Variants in DPP10 observed in about 807,000 individuals in gnomAD.
The protein encoded by DPP10 is inactive dipeptidyl peptidase 10.
Under a neutral mutation model 120.9 loss-of-function variants are expected in DPP10, and 33 were observed. That is an observed-to-expected ratio of 0.27 (90% CI 0.21 to 0.37). The LOEUF is 0.37. DPP10 is among the 10% of genes least tolerant of loss of function. The probability of loss-of-function intolerance (pLI) is 1.00; values close to 1 mark genes in which losing one functional copy is unlikely to be tolerated. For synonymous variants in DPP10, 337 were observed against 326.1 expected (o/e 1.03, Z -0.36); for missense variants, 816 against 942.8 (o/e 0.87, Z 1.76).
At chr2:115,681,963 T>A (rs531770191) in intron 5 of DPP10, among the ~76,000 whole-genome samples, 18 of 151,844 alleles carry the variant, frequency 1.2e-4, no homozygotes, top group Non-Finnish European at 2.2e-4. Context: ...AAGTCATGGT[T>A]TATTCAGTTA....
intron 1 of DPP10, among the ~76,000 whole-genome samples, chr2:115,192,944 G>A (rs1004306730): frequency 2.7e-5 from 4 of 150,648 alleles, no homozygotes; most frequent in Non-Finnish European, 4.4e-5. Context: ...TACAATTAAC[G>A]TTTCAAAACT....
intron 1 of DPP10, among the ~76,000 whole-genome samples, chr2:115,259,257 G>A (rs2059142010): frequency 6.6e-6 from 1 of 152,040 alleles, no homozygotes; most frequent in African/African-American, 2.4e-5. Context: ...CAAGGTGGGC[G>A]GATCACCTGA....
At chr2:114,753,818 A>C (rs906552380) in intron 1 of DPP10, among the ~76,000 whole-genome samples, 6 of 144,950 alleles carry the variant, frequency 4.1e-5, no homozygotes, top group Non-Finnish European at 9.1e-5. Context: ...CTGAGGCAGG[A>C]GAATGGCATG....
chr2:115,495,740 C>A (rs1463859721), intron 3 of DPP10, among the ~76,000 whole-genome samples: 1 of 152,122 alleles, frequency 6.6e-6, no homozygotes, highest in African/African-American at 2.4e-5. Flanking sequence ...GTGCTTAGAT[C>A]TCAGGGTACA....
At chr2:115,251,481 C>T (rs547873737) in intron 1 of DPP10, among the ~76,000 whole-genome samples, 19 of 152,124 alleles carry the variant, frequency 1.2e-4, no homozygotes, top group Admixed American at 7.2e-4. Context: ...GCTTTTACTG[C>T]GACAAAAAAT....
intron 1 of DPP10, among the ~76,000 whole-genome samples, chr2:115,300,508 A>G (rs1399804905): frequency 2.6e-5 from 4 of 151,992 alleles, no homozygotes; most frequent in Admixed American, 2.6e-4. Context: ...GGTTGTTTCC[A>G]CCTTTTGGCT....
chr2:115,243,783 TC>T (rs2058397701), intron 1 of DPP10, among the ~76,000 whole-genome samples: 1 of 151,756 alleles, frequency 6.6e-6, no homozygotes, highest in African/African-American at 2.4e-5. Context: ...ATTTTTTTTT[TC>T]ATCTAGCCAC....
Position 114,468,582 on chromosome 2 carries a change from G to C in DPP10, c.60+25744G>C, listed in dbSNP as rs17048402. On this transcript the variant is annotated intron_variant, in intron 1 of 25. Coordinates refer to ENST00000410059, the MANE Select transcript of DPP10 (RefSeq NM_020868.6). ...TTTCCCCTGAGGCTCATCCACAAAA[G>C]ACCATTTAGCCTTAATGTATCTGAA... is the stretch of plus-strand genomic sequence containing the variant. Among the ~76,000 whole-genome samples, 129 of 152,244 alleles carry C rather than the reference G, an allele frequency of 8.5e-4. 1 individual carries two copies. The East Asian group carries it at 0.023, about 27-fold the overall frequency.
intron 1 of DPP10, among the ~76,000 whole-genome samples, chr2:115,199,856 A>T (rs1262269928): frequency 6.6e-6 from 1 of 152,134 alleles, no homozygotes; most frequent in Non-Finnish European, 1.5e-5. Flanking sequence ...AGCACATATC[A>T]AATAATATAT....
chr2:114,848,468 C>T (rs888052764), intron 1 of DPP10, among the ~76,000 whole-genome samples: 5 of 152,148 alleles, frequency 3.3e-5, no homozygotes, highest in Non-Finnish European at 5.9e-5. Context: ...ACATTCCCCT[C>T]GAGGAAGTAA....
intron 1 of DPP10, among the ~76,000 whole-genome samples, chr2:114,602,532 G>A (rs1030118286): frequency 9.9e-5 from 15 of 151,926 alleles, no homozygotes; most frequent in African/African-American, 3.6e-4. Flanking sequence ...TCCATGCTAA[G>A]TCCTATTTAG....
intron 1 of DPP10, among the ~76,000 whole-genome samples, chr2:115,186,396 C>T (rs2105186279): frequency 6.6e-6 from 1 of 152,272 alleles, no homozygotes; most frequent in Non-Finnish European, 1.5e-5. Context: ...CTCTCAGAGC[C>T]TACGGTGGAA....
At chr2:115,198,985 T>A (rs1255844936) in intron 1 of DPP10, among the ~76,000 whole-genome samples, 1 of 152,196 alleles carries the variant, frequency 6.6e-6, no homozygotes, top group Admixed American at 6.5e-5. Flanking sequence ...TATTTCTATT[T>A]ACATCTCCAA....
At chr2:115,254,789 C>A (rs1268087730) in intron 1 of DPP10, among the ~76,000 whole-genome samples, 1 of 152,180 alleles carries the variant, frequency 6.6e-6, no homozygotes, top group Non-Finnish European at 1.5e-5. Context: ...CCAAAATTAT[C>A]TCCTTTGACT....
At chr2:115,541,077 T>C (rs912132993) in intron 5 of DPP10, among the ~76,000 whole-genome samples, 7 of 151,904 alleles carry the variant, frequency 4.6e-5, no homozygotes, top group African/African-American at 1.7e-4. Flanking sequence ...TTCTAAATAA[T>C]GAATGTTGTT....
At chr2:114,909,937 T>A (rs1251592663) in intron 1 of DPP10, among the ~76,000 whole-genome samples, 1 of 151,944 alleles carries the variant, frequency 6.6e-6, no homozygotes, top group African/African-American at 2.4e-5. Flanking sequence ...ACAGACTCAG[T>A]CTGTAGGTTC....
intron 1 of DPP10, among the ~76,000 whole-genome samples, chr2:114,498,328 C>G (rs983867939): frequency 1.1e-4 from 17 of 152,154 alleles, no homozygotes; most frequent in African/African-American, 4.1e-4. Context: ...CTCCCTCCCC[C>G]TCCCCTGCCA....
At chr2:115,446,916 G>A (rs541297007) in intron 3 of DPP10, among the ~76,000 whole-genome samples, 3 of 152,312 alleles carry the variant, frequency 2.0e-5, no homozygotes, top group African/African-American at 7.2e-5. Flanking sequence ...AATGCACGAG[G>A]TTAGAAAGGG....
intron 3 of DPP10, among the ~76,000 whole-genome samples, chr2:115,349,816 T>TTGCAGAAGCTTCTGC (rs1248494570): frequency 6.6e-6 from 1 of 152,140 alleles, no homozygotes; most frequent in Admixed American, 6.6e-5. Context: ...CTTCACTTGG[T>TTGCAGAAGCTTCTGC]AGAGCTGCAG....
Sources: allele counts gnomAD v4.1 joint callset (sites outside exome capture counted in the v4.1 genomes callset), GRCh38; gene constraint gnomAD v4.1.1; transcripts MANE v1.5; gene names NCBI Gene and HGNC (gene_info 2026-07-23, HGNC 2026-07-21).